SLC9D1: variants seen among roughly 807,000 people sequenced by gnomAD.
SLC9D1 encodes the protein putative LAG1-interacting protein.
the SLC9D1 span, among the ~76,000 whole-genome samples, chr13:113,526,017 T>A: frequency 1.3e-5 from 2 of 150,934 alleles, no homozygotes; most frequent in South Asian, 4.2e-4. Flanking sequence ...GCCGTCGTCG[T>A]CGTAGGAGAC....
the SLC9D1 span, chr13:113,499,887 T>C: frequency 1.1e-6 from 1 of 895,298 alleles, no homozygotes; most frequent in Non-Finnish European, 1.6e-6. Context: ...CATTCTTCTG[T>C]TTAGCGTTCA....
At chr13:113,541,543 A>G in the SLC9D1 span, among the ~76,000 whole-genome samples, 1 of 128,780 alleles carries the variant, frequency 7.8e-6, no homozygotes, top group Non-Finnish European at 1.6e-5. Flanking sequence ...ATGCTTTATT[A>G]CCGCTGAGTT....
the SLC9D1 span, among the ~76,000 whole-genome samples, chr13:113,506,881 A>C: frequency 5.9e-5 from 9 of 152,256 alleles, no homozygotes; most frequent in South Asian, 1.7e-3. Context: ...GCTGTCGTCT[A>C]ATGGTGCTTC....
At chr13:113,522,331 T>TTTGTTG in the SLC9D1 span, among the ~76,000 whole-genome samples, 141 of 152,192 alleles carry the variant, frequency 9.3e-4, 1 homozygote, top group Non-Finnish European at 1.0e-3. Context: ...GTAATTTTTC[T>TTTGTTG]TTGTTGTTGT....
At chr13:113,543,024 C>T in the SLC9D1 span, among the ~76,000 whole-genome samples, 1 of 136,896 alleles carries the variant, frequency 7.3e-6, no homozygotes, top group Non-Finnish European at 1.5e-5. Context: ...TTGCTCTGCA[C>T]CCCCGGCCCT....
the SLC9D1 span, among the ~76,000 whole-genome samples, chr13:113,508,849 C>T: frequency 2.0e-5 from 3 of 152,226 alleles, no homozygotes; most frequent in Non-Finnish European, 2.9e-5. Context: ...TTATTTTTCA[C>T]TAAGAACTAG....
At chr13:113,503,359 G>GAC in the SLC9D1 span, 85 of 586,162 alleles carry the variant, frequency 1.5e-4, no homozygotes, top group Middle Eastern at 9.3e-4. Flanking sequence ...GTGTGTGTGT[G>GAC]TGTGTGTGTG....
At chr13:113,548,700 A>G in the SLC9D1 span, among the ~76,000 whole-genome samples, 3 of 152,230 alleles carry the variant, frequency 2.0e-5, no homozygotes, top group African/African-American at 4.8e-5. Context: ...TAAATGTCAG[A>G]TATTTCTTCT....
chr13:113,496,571 A>G, the SLC9D1 span, among the ~76,000 whole-genome samples: 4 of 152,262 alleles, frequency 2.6e-5, no homozygotes, highest in Non-Finnish European at 4.4e-5. Flanking sequence ...ATGTTGTATT[A>G]GCTGTTTACA....
the SLC9D1 span, among the ~76,000 whole-genome samples, chr13:113,539,191 C>T: frequency 6.6e-6 from 1 of 152,194 alleles, no homozygotes. This position sits in a 1 kb window ranked among gnomAD's most constrained non-coding sequence, Gnocchi z 4.8. Flanking sequence ...CACATGTCAC[C>T]TCTCAGACCC....
At chr13:113,501,187 T>C in the SLC9D1 span, among the ~76,000 whole-genome samples, 9 of 152,212 alleles carry the variant, frequency 5.9e-5, no homozygotes, top group African/African-American at 1.9e-4. Context: ...AACACTCTTA[T>C]GGGGCTTAAG....
chr13:113,494,953 G>T, the SLC9D1 span, among the ~76,000 whole-genome samples: 1 of 152,214 alleles, frequency 6.6e-6, no homozygotes, highest in South Asian at 2.1e-4. Context: ...GCGTGATCTG[G>T]GCTCCCTGCA....
the SLC9D1 span, chr13:113,534,449 C>T: frequency 5.3e-6 from 3 of 562,726 alleles, no homozygotes; most frequent in Non-Finnish European, 9.3e-6. Flanking sequence ...TTGACTCATA[C>T]TCTTAAGCAC....
At chr13:113,511,531 T>G in the SLC9D1 span, among the ~76,000 whole-genome samples, 1 of 152,184 alleles carries the variant, frequency 6.6e-6, no homozygotes, top group Admixed American at 6.5e-5. Context: ...TCTGCGGCTT[T>G]CTGCGGGGCC....
chr13:113,548,260 T>A, the SLC9D1 span: 16 of 1,605,880 alleles, frequency 1.0e-5, no homozygotes, highest in Non-Finnish European at 1.4e-5. Flanking sequence ...TAACTCTGTG[T>A]GGGTCCAGTC....
the SLC9D1 span, chr13:113,498,764 T>C: frequency 2.7e-6 from 1 of 371,014 alleles, no homozygotes; most frequent in Non-Finnish European, 4.8e-6. Flanking sequence ...GTCTGCATTT[T>C]CCAGAGGCCA....
chr13:113,547,115 T>C, the SLC9D1 span: 1 of 594,478 alleles, frequency 1.7e-6, no homozygotes, highest in Non-Finnish European at 3.0e-6. Flanking sequence ...GGGCAGGCTT[T>C]TCCCCGGTTC....
the SLC9D1 span, chr13:113,491,075 G>GCTCCCTCCCGGACTCCCGGCCTCCCGGC: frequency 1.3e-5 from 2 of 153,510 alleles, no homozygotes; most frequent in Admixed American, 1.3e-4. Context: ...GGCGGCGGCC[G>GCTCCCTCCCGGACTCCCGGCCTCCCGGC]CTCCCTCCCG....
chr13:113,491,524 C>T, the SLC9D1 span, among the ~76,000 whole-genome samples: 2 of 151,928 alleles, frequency 1.3e-5, no homozygotes, highest in African/African-American at 4.8e-5. Context: ...CCCCTCCTCT[C>T]TCTCCCTCCC....
Sources: allele counts gnomAD v4.1 joint callset (sites outside exome capture counted in the v4.1 genomes callset), GRCh38; gene constraint gnomAD v4.1.1; non-coding constraint Gnocchi (gnomAD v3.1); transcripts MANE v1.5; gene names NCBI Gene and HGNC (gene_info 2026-07-23, HGNC 2026-07-21).